Variants in EPS8 observed in about 807,000 individuals in gnomAD.
The protein encoded by EPS8 is epidermal growth factor receptor kinase substrate 8.
EPS8 carries 42 observed loss-of-function variants against 103.8 expected under a neutral mutation model. The observed-to-expected ratio is 0.40, with a 90% CI of 0.32 to 0.52. The LOEUF is 0.52. Ranked by LOEUF, EPS8 falls within the 20% of genes least tolerant of loss-of-function variation. The pLI is 0.40. For missense variants in EPS8, 969 were observed against 1,005.1 expected (o/e 0.96, Z 0.49); for synonymous variants, 344 against 344.6 (o/e 1.00, Z 0.02).
chr12:15,676,402 G>A (rs897400057), intron 3 of EPS8, among the ~76,000 whole-genome samples: 4 of 151,752 alleles, frequency 2.6e-5, no homozygotes, highest in African/African-American at 9.7e-5. Context: ...CATGGAAAAG[G>A]GACAGGCTTG....
At position 15,731,420 on chromosome 12, in the gene EPS8, T is replaced by C. The variant is rs1395141144; in HGVS notation, c.-21-48448A>G. ...TTCGAGCTACTCTCCTGCCTCAGAT[T>C]CCCAAAAGCTGGGATTACAGGTGCC... On this transcript the variant is annotated intron_variant, in intron 1 of 20. Coordinates refer to ENST00000281172, the MANE Select transcript of EPS8 (RefSeq NM_004447.6). This position sits in a 1 kb window ranked among gnomAD's most constrained non-coding sequence, Gnocchi z 5.1. Among the ~76,000 whole-genome samples, 1 of 152,114 alleles carries C rather than the reference T, an allele frequency of 6.6e-6. No homozygotes were observed. The highest frequency in any genetic ancestry group is 1.5e-5 in the Non-Finnish European group (1 of 68,014).
chr12:15,751,746 A>G lies in EPS8; in HGVS notation c.-22+37415T>C, dbSNP rs1946934300. 6.6e-6 allele frequency among the ~76,000 whole-genome samples: 1 copy of G among 151,912 alleles called. No individual in the cohort carries two copies. The highest frequency in any genetic ancestry group is 1.5e-5 in the Non-Finnish European group (1 of 67,984). On this transcript the variant is annotated intron_variant, in intron 1 of 20. Coordinates refer to ENST00000281172, the MANE Select transcript of EPS8 (RefSeq NM_004447.6). The surrounding 1 kb of genome is among the most constrained non-coding windows in gnomAD (Gnocchi z 4.3). ...TCGCTCTCTCCTCCCTCCCTCCTCT[A>G]TACTTTCCCTCCTCCTTAGTATCCT...
At position 15,779,139 on chromosome 12, in the gene EPS8, C is replaced by T. The variant is rs547962440; in HGVS notation, c.-22+10022G>A. Among the ~76,000 whole-genome samples, 1 of 152,016 alleles carries T rather than the reference C, an allele frequency of 6.6e-6. No homozygotes were observed. Among genetic ancestry groups the T allele is most frequent in the African/African-American group, 2.4e-5 (1 of 41,374 alleles). Reference sequence around the variant, plus strand: ...GATTACAGGTATGTGCCTCCAAGCCCGGCTAATTTTGTATTTTTAGTAGAG... The same window carrying T: ...GATTACAGGTATGTGCCTCCAAGCCTGGCTAATTTTGTATTTTTAGTAGAG... On this transcript the variant is annotated intron_variant, in intron 1 of 20. Coordinates refer to ENST00000281172, the MANE Select transcript of EPS8 (RefSeq NM_004447.6). This position sits in a 1 kb window ranked among gnomAD's most constrained non-coding sequence, Gnocchi z 4.3.
chr12:15,752,900 AC>A lies in EPS8; in HGVS notation c.-22+36260del, dbSNP rs1351151135. On this transcript the variant is annotated intron_variant, in intron 1 of 20. Transcript: ENST00000281172. The surrounding 1 kb of genome is among the most constrained non-coding windows in gnomAD (Gnocchi z 4.4). ...TGAGAAAGGCAAGGCAAGAACCATT[AC>A]TTTCCTAACAACATCAACAATATTA... Among the ~76,000 whole-genome samples, 2 of 152,090 alleles carry A rather than the reference AC, an allele frequency of 1.3e-5. No homozygotes were observed. Among genetic ancestry groups the A allele is most frequent in the Non-Finnish European group, 2.9e-5 (2 of 68,016 alleles).
rs1947126467 is a variant in EPS8 at position 15,769,032 on chromosome 12, T to C, written c.-22+20129A>G. ...TAATTGCGCTGGCAAACAGTTCTTATCAGATATTTAAATCTTTGTGAACAG... is the reference window on the plus strand; with the variant it reads ...TAATTGCGCTGGCAAACAGTTCTTACCAGATATTTAAATCTTTGTGAACAG... On this transcript the variant is annotated intron_variant, in intron 1 of 20. Coordinates refer to ENST00000281172, the MANE Select transcript of EPS8 (RefSeq NM_004447.6). This position sits in a 1 kb window ranked among gnomAD's most constrained non-coding sequence, Gnocchi z 4.6. Among the ~76,000 whole-genome samples, 1 of 152,218 alleles carries C rather than the reference T, an allele frequency of 6.6e-6. No individual in the cohort carries two copies. Among genetic ancestry groups the C allele is most frequent in the African/African-American group, 2.4e-5 (1 of 41,460 alleles).
intron 13 of EPS8, among the ~76,000 whole-genome samples, chr12:15,653,796 T>TGC (rs1259781432): frequency 2.6e-5 from 4 of 151,950 alleles, no homozygotes; most frequent in Admixed American, 6.6e-5. Flanking sequence ...GCAAGCACTG[T>TGC]GCGCGCGCGC....
intron 1 of EPS8, among the ~76,000 whole-genome samples, chr12:15,744,504 T>C (rs73316914): frequency 0.016 from 2,368 of 152,324 alleles, 68 homozygotes; most frequent in African/African-American, 0.053. Context: ...TAAAGCACCA[T>C]TGAGAAGGAT....
chr12:15,785,574 T>G lies in EPS8; in HGVS notation c.-22+3587A>C, dbSNP rs189584176. Reference sequence around the variant, plus strand: ...TACATAAAAATATGTACAGATATGTTCATATACACACATGTATTTCTTGCT... The same window carrying G: ...TACATAAAAATATGTACAGATATGTGCATATACACACATGTATTTCTTGCT... On this transcript the variant is annotated intron_variant, in intron 1 of 20. Transcript: ENST00000281172. The surrounding 1 kb of genome is among the most constrained non-coding windows in gnomAD (Gnocchi z 4.9). 7.8e-4 allele frequency among the ~76,000 whole-genome samples: 119 copies of G among 152,218 alleles called. No individual in the cohort carries two copies. The highest frequency in any genetic ancestry group is 2.8e-3 in the African/African-American group (116 of 41,554).
Position 15,779,827 on chromosome 12 carries a change from T to C in EPS8, c.-22+9334A>G, listed in dbSNP as rs1947242184. On this transcript the variant is annotated intron_variant, in intron 1 of 20. Transcript: ENST00000281172. This position sits in a 1 kb window ranked among gnomAD's most constrained non-coding sequence, Gnocchi z 4.3. ...TCAAGCACATAATTCATTTAACAAG[T>C]TATTTTTTAGTACATTCCTAAATAG... 6.6e-6 allele frequency among the ~76,000 whole-genome samples: 1 copy of C among 152,224 alleles called. No homozygotes were observed. The highest frequency in any genetic ancestry group is 2.1e-4 in the South Asian group (1 of 4,832).
rs750798253 is a variant in EPS8, at chr12:15,647,208, T to C, written c.1487A>G (p.Asn496Ser). The change falls in exon 15 of 21, where the codon AAC (asparagine) becomes AGC (serine). Residue 496 changes from asparagine to serine, a missense_variant. Asn to Ser is a conservative substitution (Grantham distance 46, BLOSUM62 1). Coordinates refer to ENST00000281172, the MANE Select transcript of EPS8 (RefSeq NM_004447.6). ...HPADGYAFSS[N>S]IYTRGSHLDQ... ...CAGGTGGGATCCTCTTGTGTAAATG[T>C]TGCTACTGAACGCATAGCCATCGGC... 28 of 1,613,982 alleles carry C rather than the reference T, an allele frequency of 1.7e-5. No homozygotes were observed. In the East Asian group the frequency reaches 5.3e-4, roughly 31 times the overall value.
At chr12:15,672,308 T>C (rs982490536) in intron 3 of EPS8, 3 of 389,558 alleles carry the variant, frequency 7.7e-6, no homozygotes, top group African/African-American at 2.1e-5. Context: ...TGAATTTCAT[T>C]TATATTTACT....
In EPS8 at chr12:15,631,570, G is replaced by C. The variant is rs1202136548; in HGVS notation, c.1916C>G (p.Pro639Arg). 1.2e-6 allele frequency: 2 copies of C among 1,613,904 alleles called. No homozygotes were observed. The highest frequency in any genetic ancestry group is 2.2e-5 in the East Asian group (1 of 44,888). Reference protein sequence around the residue: ...TPAPVPVPLPPSTPAPVPVSK... With the variant: ...TPAPVPVPLPRSTPAPVPVSK... ...CACAGGAACAGGTGCTGGAGTGGAA[G>C]GGGGAAGGGGAACAGGAACAGGAGC... Residue 639 changes from proline (P) to arginine (R), a missense_variant, in exon 18 of 21, where the codon CCT (proline) becomes CGT (arginine). Physicochemically the swap from Pro to Arg is moderately radical, Grantham distance 103 (BLOSUM62 -2). Transcript: ENST00000281172.
chr12:15,648,718 G>T (rs4764218), intron 14 of EPS8, among the ~76,000 whole-genome samples: 151,102 of 152,278 alleles, frequency 0.99, 74,981 homozygotes, highest in East Asian at 1. Flanking sequence ...GTCAGCAGTA[G>T]GAAATCACTG....
At chr12:15,723,322 T>C (rs988926348) in intron 1 of EPS8, among the ~76,000 whole-genome samples, 3 of 152,072 alleles carry the variant, frequency 2.0e-5, no homozygotes, top group African/African-American at 7.2e-5. Flanking sequence ...AAAAAATATA[T>C]ATATATCTTT....
At position 15,702,045 on chromosome 12, in the gene EPS8, G is replaced by C. The variant is rs554828048; in HGVS notation, c.-21-19073C>G. 6.6e-6 allele frequency among the ~76,000 whole-genome samples: 1 copy of C among 152,320 alleles called. No individual in the cohort carries two copies. Among genetic ancestry groups the C allele is most frequent in the South Asian group, 2.1e-4 (1 of 4,822 alleles). On this transcript the variant is annotated intron_variant, in intron 1 of 20. Transcript: ENST00000281172. The surrounding 1 kb of genome is among the most constrained non-coding windows in gnomAD (Gnocchi z 5.1). ...ATTAAATGACTACACATGTGAAAAA[G>C]AAATTCTTAAGTAGTTTGTGAGTCA...
intron 8 of EPS8, among the ~76,000 whole-genome samples, chr12:15,664,477 T>C (rs1478969546): frequency 6.6e-6 from 1 of 152,170 alleles, no homozygotes. Flanking sequence ...TAGTAGGTAC[T>C]ACCATAAACA....
At chr12:15,681,746 A>T (rs1239019103) in intron 2 of EPS8, among the ~76,000 whole-genome samples, 1 of 151,146 alleles carries the variant, frequency 6.6e-6, no homozygotes, top group Non-Finnish European at 1.5e-5. Context: ...AAAAAAAAAA[A>T]AAAAAAAATT....
intron 6 of EPS8, among the ~76,000 whole-genome samples, chr12:15,668,526 T>C (rs1945756439): frequency 6.6e-6 from 1 of 152,238 alleles, no homozygotes; most frequent in South Asian, 2.1e-4. Context: ...AGATAACTTC[T>C]AAGGTCCAAT....
Position 15,698,773 on chromosome 12 carries a change from T to C in EPS8, c.-21-15801A>G, listed in dbSNP as rs1318988372. Among the ~76,000 whole-genome samples, 2 of 152,152 alleles carry C rather than the reference T, an allele frequency of 1.3e-5. No individual in the cohort carries two copies. Among genetic ancestry groups the C allele is most frequent in the African/African-American group, 2.4e-5 (1 of 41,422 alleles). ...GGAGATTCAGTGTTTACAAGAATGG[T>C]GTTTAATCTCAACTGCCTCTGTTGA... On this transcript the variant is annotated intron_variant, in intron 1 of 20. Coordinates refer to ENST00000281172, the MANE Select transcript of EPS8 (RefSeq NM_004447.6). The surrounding 1 kb of genome is among the most constrained non-coding windows in gnomAD (Gnocchi z 4.9).
Sources: gnomAD v4.1 joint callset for allele counts (sites outside exome capture counted in the v4.1 genomes callset) on GRCh38, gnomAD v4.1.1 for gene constraint, Gnocchi (gnomAD v3.1) non-coding constraint, MANE v1.5 for transcripts, NCBI Gene and HGNC (gene_info 2026-07-23, HGNC 2026-07-21) for gene names.